Variants in EDA2R observed in about 807,000 individuals in gnomAD.
EDA2R encodes tumor necrosis factor receptor superfamily member 27.
Under a neutral mutation model 20.1 loss-of-function variants are expected in EDA2R, and 26 were observed. That is an observed-to-expected ratio of 1.30 (90% CI 0.95 to 1.80). The LOEUF (loss-of-function observed/expected upper bound fraction) is 1.80, where lower values mean the gene tolerates loss of function less well. Among genes scored for constraint, EDA2R ranks in the 40% most tolerant of loss-of-function variants. EDA2R has a pLI of 0.00. For synonymous variants in EDA2R, 114 were observed against 88.7 expected, an observed-to-expected ratio of 1.29 and a Z score of -1.60; for missense variants, 277 against 228.7, an observed-to-expected ratio of 1.21 and a Z score of -1.36.
At chrX:66,623,984 C>T (rs1350251006) in intron 1 of EDA2R, among the ~76,000 whole-genome samples, 1 of 112,157 alleles carries the variant, frequency 8.9e-6, no homozygotes, top group East Asian at 2.8e-4. Context: ...AATGTAAATG[C>T]TATGAGGCCA....
chrX:66,618,078 G>A (rs1375746145), intron 1 of EDA2R, among the ~76,000 whole-genome samples: 1 of 111,173 alleles, frequency 9.0e-6, no homozygotes, highest in East Asian at 2.8e-4. Flanking sequence ...GTATAGACAG[G>A]GTTTCATCAT....
rs140299699 is a variant in EDA2R, at chrX:66,604,617, C to T, written c.267-111G>A. 1.4e-3 allele frequency: 906 copies of T among 654,103 alleles called. 7 individuals are homozygous for T. The African/African-American group carries it at 0.018, about 13-fold the overall frequency. The allele number at this position is 654,103 out of a possible 1,213,427, so 53.9% of individuals were successfully genotyped here. A position where few individuals can be genotyped will look rare whatever the true frequency, so the allele number is the denominator to read the frequency against. The stretch of plus-strand genomic sequence containing the variant: ...AATCTTGCCAACCTGAAAGTAAGTG[C>T]CCACCCCTCTTTCTGAGTTATCTGC... On this transcript the variant is annotated intron_variant, in intron 3 of 6. Coordinates refer to ENST00000374719, the MANE Select transcript of EDA2R (RefSeq NM_021783.5).
In EDA2R at chrX:66,618,238, C is replaced by T. The variant is rs188958285; in HGVS notation, c.-10-2208G>A. 3.6e-5 allele frequency among the ~76,000 whole-genome samples: 4 copies of T among 111,746 alleles called. No individual in the cohort carries two copies. In the Admixed American group the frequency reaches 3.8e-4, roughly 11 times the overall value. ...ATTCAAAGCATACAAATTAAATTAT[C>T]TTTCATTCGACGCTTAACAAATTGA... On this transcript the variant is annotated intron_variant, in intron 1 of 6. Transcript: ENST00000374719.
At chrX:66,602,993 G>A (rs1448349553) in intron 4 of EDA2R, among the ~76,000 whole-genome samples, 196 bp from the exon 5 acceptor site, 2 of 111,853 alleles carry the variant, frequency 1.8e-5, no homozygotes, top group Admixed American at 9.5e-5. Context: ...ATATAGTGCT[G>A]GTATGTAGAA....
chrX:66,615,841 G>A (rs983447005), intron 2 of EDA2R, 93 bp downstream of exon 2: 1 of 653,956 alleles, frequency 1.5e-6, no homozygotes, highest in Non-Finnish European at 2.4e-6. Context: ...TCAGTCATAA[G>A]TAGGGCTGAC....
At chrX:66,614,099 A>T (rs185624262) in intron 2 of EDA2R, among the ~76,000 whole-genome samples, 4 of 111,450 alleles carry the variant, frequency 3.6e-5, no homozygotes, top group African/African-American at 1.3e-4. Context: ...GGACCATAAG[A>T]TATAAGGAAA....
Position 66,599,457 on chromosome X carries a change from C to A in EDA2R, c.*10+17G>T. 1 of 1,103,903 alleles carries A rather than the reference C, an allele frequency of 9.1e-7. No homozygotes were observed. Among genetic ancestry groups the A allele is most frequent in the South Asian group, 2.4e-5 (1 of 41,900 alleles). The allele number at this position is 1,103,903 out of a possible 1,213,427, so 91.0% of individuals were successfully genotyped here. ...TTTGCTTTTTTTGTTTTTTTCTGAT[C>A]CACCTTTCCAGCTCACCTCATTAGA... On this transcript the variant is annotated intron_variant, in intron 6 of 6. Transcript: ENST00000374719.
intron 1 of EDA2R, among the ~76,000 whole-genome samples, chrX:66,632,193 G>A (rs988561114): frequency 3.6e-5 from 4 of 112,074 alleles, no homozygotes; most frequent in African/African-American, 9.7e-5. Context: ...GGAGGTCGAG[G>A]CAGGTGGATC....
rs1228756209 is a variant in EDA2R, at chrX:66,605,200, A to G, written c.114T>C (p.Asp38=). Reference sequence around the variant, plus strand: ...GAGGAGGGCAGGCTGTGCAGTAGGCATCTCCACCCTCTCCATAACCACAAT... The same window carrying G: ...GAGGAGGGCAGGCTGTGCAGTAGGCGTCTCCACCCTCTCCATAACCACAAT... ...SKDCGYGEGG[D]AYCTACPPRR... The change falls in exon 3 of 7, where the codon GAT becomes GAC. Residue 38 remains aspartate, a synonymous_variant. Transcript: ENST00000374719. 8.3e-7 allele frequency: 1 copy of G among 1,206,778 alleles called. No homozygotes were observed. The highest frequency in any genetic ancestry group is 1.1e-6 in the Non-Finnish European group (1 of 893,825).
intron 1 of EDA2R, among the ~76,000 whole-genome samples, chrX:66,626,958 T>C (rs187347786): frequency 3.2e-4 from 36 of 111,272 alleles, no homozygotes; most frequent in Admixed American, 1.9e-4. Context: ...ATTTGGGCCC[T>C]ATATTCAGCC....
At chrX:66,628,705 C>CA (rs58181241) in intron 1 of EDA2R, among the ~76,000 whole-genome samples, 4,264 of 80,687 alleles carry the variant, frequency 0.053, 99 homozygotes, top group Non-Finnish European at 0.08. Flanking sequence ...AAAACATTAC[C>CA]AAAAAAAAAA....
chrX:66,624,000 C>T (rs1932846714), intron 1 of EDA2R, among the ~76,000 whole-genome samples: 2 of 112,216 alleles, frequency 1.8e-5, no homozygotes, highest in African/African-American at 3.2e-5. Context: ...GGCCATGGTA[C>T]GTATTGTGTT....
chrX:66,608,932 C>T (rs766465192), intron 2 of EDA2R, among the ~76,000 whole-genome samples: 10 of 111,747 alleles, frequency 8.9e-5, no homozygotes, highest in East Asian at 2.8e-4. Context: ...AAAGGGGTGA[C>T]GGTTGCATAA....
At chrX:66,631,060 T>A in intron 1 of EDA2R, among the ~76,000 whole-genome samples, 1 of 109,611 alleles carries the variant, frequency 9.1e-6, no homozygotes, top group African/African-American at 3.3e-5. Flanking sequence ...TATACACATA[T>A]ATATTGATGA....
chrX:66,622,938 C>G (rs906762250), intron 1 of EDA2R, among the ~76,000 whole-genome samples: 1 of 112,289 alleles, frequency 8.9e-6, no homozygotes, highest in Non-Finnish European at 1.9e-5. Flanking sequence ...AGTCCCAGCT[C>G]TGCCATCAGG....
chrX:66,618,402 AAC>A (rs1388574357), intron 1 of EDA2R, among the ~76,000 whole-genome samples: 1 of 112,149 alleles, frequency 8.9e-6, no homozygotes, highest in African/African-American at 3.2e-5. Flanking sequence ...CCCTGTAATC[AAC>A]AGTTTCCTGT....
intron 1 of EDA2R, among the ~76,000 whole-genome samples, chrX:66,629,171 A>G (rs1189764700): frequency 9.0e-6 from 1 of 111,640 alleles, no homozygotes; most frequent in Non-Finnish European, 1.9e-5. Flanking sequence ...CAACAAAACC[A>G]GCATACAACA....
At chrX:66,633,678 C>T (rs1385696) in intron 1 of EDA2R, among the ~76,000 whole-genome samples, 68,731 of 110,160 alleles carry the variant, frequency 0.62, 18,749 homozygotes, top group East Asian at 1. Flanking sequence ...CTGCTGTTAT[C>T]CTAGCCAAAG....
intron 2 of EDA2R, among the ~76,000 whole-genome samples, chrX:66,609,532 T>C (rs906778870): frequency 8.9e-6 from 1 of 112,019 alleles, no homozygotes; most frequent in African/African-American, 3.2e-5. Context: ...GGAATGGTGA[T>C]AGCTTCCATA....
Sources: gnomAD v4.1 joint callset for allele counts (sites outside exome capture counted in the v4.1 genomes callset) on GRCh38, gnomAD v4.1.1 for gene constraint, MANE v1.5 for transcripts, NCBI Gene and HGNC (gene_info 2026-07-23, HGNC 2026-07-21) for gene names.